Variants in MARCHF7 observed in about 807,000 individuals in gnomAD.
MARCHF7 encodes the protein membrane associated ring-CH-type finger 7.
A neutral mutation model predicts 76.5 loss-of-function variants in MARCHF7; 20 were observed. That is an observed-to-expected ratio of 0.26 (90% CI 0.18 to 0.38). MARCHF7 has a LOEUF of 0.38. Among genes scored for constraint, MARCHF7 ranks in the 10% least tolerant of loss-of-function variants. The probability of loss-of-function intolerance (pLI) is 1.00; values close to 1 mark genes in which losing one functional copy is unlikely to be tolerated. For synonymous variants in MARCHF7, 295 were observed against 293.0 expected (o/e 1.01, Z -0.07); for missense variants, 797 against 812.9 (o/e 0.98, Z 0.24).
In MARCHF7 at chr2:159,769,954, T is replaced by G. The variant is rs904782404; in HGVS notation, c.*2612T>G. On this transcript the variant is annotated 3_prime_UTR_variant, in exon 12 of 12. Coordinates refer to ENST00000409175, the MANE Select transcript of MARCHF7 (RefSeq NM_001282805.2). Reference sequence around the variant, plus strand: ...GGCTAATGTAATTCGAAAACTGGATTTTAAACTAAATTTACTTAAATAGCC... The same window carrying G: ...GGCTAATGTAATTCGAAAACTGGATGTTAAACTAAATTTACTTAAATAGCC... The G allele has an allele frequency of 2.6e-5, 4 of 152,176 alleles. No individual in the cohort carries two copies. The highest frequency in any genetic ancestry group is 4.4e-5 in the Non-Finnish European group (3 of 68,032). The allele number at this position is 152,176 out of a possible 1,614,324, so 9.4% of individuals were successfully genotyped here.
intron 3 of MARCHF7, among the ~76,000 whole-genome samples, chr2:159,720,610 G>A (rs1050378636): frequency 6.6e-6 from 1 of 151,580 alleles, no homozygotes; most frequent in Non-Finnish European, 1.5e-5. Context: ...ATCTTATTTT[G>A]CTGTATACTT....
In MARCHF7 at chr2:159,737,233, A is replaced by G. The variant is rs138439340; in HGVS notation, c.154-5828A>G. ...TCGATACCAAGAGAGTGAAAAGACA[A>G]TCCACAGAATGAGAGAAAATATTTG... On this transcript the variant is annotated intron_variant, in intron 4 of 11. Coordinates refer to ENST00000409175, the MANE Select transcript of MARCHF7 (RefSeq NM_001282805.2). Among the ~76,000 whole-genome samples the G allele has an allele frequency of 3.9e-5, 6 of 152,346 alleles. No individual in the cohort carries two copies. The East Asian group carries it at 7.7e-4, about 20-fold the overall frequency.
chr2:159,730,968 C>T (rs1372937883), intron 4 of MARCHF7, among the ~76,000 whole-genome samples: 2 of 152,212 alleles, frequency 1.3e-5, no homozygotes, highest in Admixed American at 6.5e-5. Flanking sequence ...CGGCTCACTA[C>T]AGCCTAGACC....
intron 1 of MARCHF7, 70 bp downstream of exon 1, chr2:159,712,676 AGCTAGTTCTTCTCCGTCTTGGGC>A (rs1003290105): frequency 2.0e-5 from 3 of 152,180 alleles, no homozygotes; most frequent in African/African-American, 4.8e-5. Flanking sequence ...TGAGCTGCGG[AGCTAGTTCTTCTCCGTCTTGGGC>A]GCTAGTTCGG....
Position 159,757,020 on chromosome 2 carries a change from G to T in MARCHF7, c.1784-2206G>T, listed in dbSNP as rs562977997. Among the ~76,000 whole-genome samples, 160 of 152,130 alleles carry T rather than the reference G, an allele frequency of 1.1e-3. 1 individual carries two copies. The highest frequency in any genetic ancestry group is 2.0e-3 in the Non-Finnish European group (135 of 67,988). ...TGATTCTCCTGCCTCAGCCTCCTAA[G>T]TTAGCTGGGATTATAGGTGCACACC... On this transcript the variant is annotated intron_variant, in intron 8 of 11. Transcript: ENST00000409175.
intron 4 of MARCHF7, chr2:159,733,008 A>G (rs1703001429): frequency 6.7e-6 from 5 of 745,780 alleles, no homozygotes; most frequent in Non-Finnish European, 6.5e-6. Context: ...AGAACATAGT[A>G]TAGGGGTTCA....
At chr2:159,766,436 A>T (rs910462254) in intron 11 of MARCHF7, among the ~76,000 whole-genome samples, 2 of 152,186 alleles carry the variant, frequency 1.3e-5, no homozygotes, top group Non-Finnish European at 1.5e-5. Context: ...CAATGTAAAT[A>T]TAAAAAGAGA....
chr2:159,725,089 G>A (rs1386630176), intron 3 of MARCHF7, among the ~76,000 whole-genome samples: 1 of 152,166 alleles, frequency 6.6e-6, no homozygotes, highest in African/African-American at 2.4e-5. Context: ...TCATTGATGG[G>A]CATTTGGGTT....
chr2:159,751,512 T>G (rs1705642866), intron 7 of MARCHF7, among the ~76,000 whole-genome samples: 1 of 152,222 alleles, frequency 6.6e-6, no homozygotes, highest in East Asian at 1.9e-4. Context: ...TATGTCTGAT[T>G]AACCCAGGGC....
intron 11 of MARCHF7, among the ~76,000 whole-genome samples, chr2:159,766,385 G>T (rs79555287): frequency 1.3e-3 from 199 of 152,148 alleles, no homozygotes; most frequent in African/African-American, 4.6e-3. Context: ...TCTGTGCTTT[G>T]CCCTAGGTTG....
At chr2:159,713,438 T>A (rs1352426120) in intron 1 of MARCHF7, among the ~76,000 whole-genome samples, 1 of 152,232 alleles carries the variant, frequency 6.6e-6, no homozygotes, top group African/African-American at 2.4e-5. Context: ...ACTAATGTTG[T>A]TTGTTACTAT....
rs910436766 is a variant in MARCHF7, at chr2:159,767,847, AG to A, written c.*506del. On this transcript the variant is annotated 3_prime_UTR_variant, in exon 12 of 12. Transcript: ENST00000409175. ...CTTCCAGTGTTTAAAAATTAAAAAA[AG>A]AATGGGGAGAAGGTTATGAGAAGAG... The A allele has an allele frequency of 6.6e-6, 1 of 152,588 alleles. No homozygotes were observed. Among genetic ancestry groups the A allele is most frequent in the Non-Finnish European group, 1.5e-5 (1 of 67,986 alleles). The allele number at this position is 152,588 out of a possible 1,614,324, so 9.5% of individuals were successfully genotyped here.
Position 159,764,717 on chromosome 2 carries a change from T to C in MARCHF7, c.2056+43T>C, listed in dbSNP as rs541537177. On this transcript the variant is annotated intron_variant, in intron 11 of 11. Transcript: ENST00000409175. ...TCCCCAGACTTGTTGAATTTACTTT[T>C]GCAAATTAAACCCAAAGCAAAACCT... The C allele has an allele frequency of 3.9e-6, 6 of 1,536,536 alleles. No individual in the cohort carries two copies. The South Asian group carries it at 5.9e-5, about 15-fold the overall frequency.
intron 4 of MARCHF7, among the ~76,000 whole-genome samples, chr2:159,737,602 A>G (rs1222342974): frequency 1.3e-5 from 2 of 152,196 alleles, no homozygotes; most frequent in Non-Finnish European, 2.9e-5. Context: ...TGTGCAACAT[A>G]GTGAGACCCA....
chr2:159,727,020 A>T (rs1371136962), intron 3 of MARCHF7, among the ~76,000 whole-genome samples: 2 of 152,232 alleles, frequency 1.3e-5, no homozygotes, highest in Non-Finnish European at 1.5e-5. Context: ...GTGTATGTAC[A>T]CTATTATTTT....
chr2:159,734,232 C>A, intron 4 of MARCHF7: 1 of 712,020 alleles, frequency 1.4e-6, no homozygotes, highest in South Asian at 6.5e-5. Context: ...TTCTGTTTTG[C>A]CTTGTTGAGA....
intron 4 of MARCHF7, among the ~76,000 whole-genome samples, chr2:159,729,995 A>C (rs756454662): frequency 1.3e-5 from 2 of 152,180 alleles, no homozygotes; most frequent in African/African-American, 2.4e-5. Context: ...TTTAAATTTG[A>C]TTTTTATGGT....
rs143648043 is a variant in MARCHF7 at position 159,761,611 on chromosome 2, C to T, written c.1894-1269C>T. The stretch of plus-strand genomic sequence containing the variant: ...ATTTTTAGTAGAGATGGGGTTTCAC[C>T]GTGTTGGCCAGGCTGTTCTTGAACT... On this transcript the variant is annotated intron_variant, in intron 9 of 11. Coordinates refer to ENST00000409175, the MANE Select transcript of MARCHF7 (RefSeq NM_001282805.2). Among the ~76,000 whole-genome samples, 848 of 151,496 alleles carry T rather than the reference C, an allele frequency of 5.6e-3. 8 individuals are homozygous for T. Among genetic ancestry groups the T allele is most frequent in the African/African-American group, 0.019 (803 of 41,294 alleles).
intron 4 of MARCHF7, chr2:159,733,098 C>T: frequency 3.2e-6 from 2 of 616,186 alleles, no homozygotes; most frequent in Non-Finnish European, 4.0e-6. Flanking sequence ...TTTACTGTTA[C>T]CATTATTATT....
Sources: allele counts gnomAD v4.1 joint callset (sites outside exome capture counted in the v4.1 genomes callset), GRCh38; gene constraint gnomAD v4.1.1; transcripts MANE v1.5; gene names NCBI Gene and HGNC (gene_info 2026-07-23, HGNC 2026-07-21).